Variants in ROBO2 observed in about 807,000 individuals in gnomAD.
ROBO2 encodes roundabout homolog 2.
Under a neutral mutation model 160.8 loss-of-function variants are expected in ROBO2, and 53 were observed. The ratio of observed to expected loss-of-function variants is 0.33; its 90% CI spans 0.26 to 0.41. ROBO2 has a LOEUF of 0.41. Ranked by LOEUF, ROBO2 falls within the 10% of genes least tolerant of loss-of-function variation. ROBO2 has a pLI of 1.00. For synonymous variants in ROBO2, 664 were observed against 611.7 expected (o/e 1.09, Z -1.26); for missense variants, 1,577 against 1,722.4 (o/e 0.92, Z 1.49).
intron 2 of ROBO2, among the ~76,000 whole-genome samples, chr3:76,744,196 A>G (rs2093847162): frequency 6.6e-6 from 1 of 152,140 alleles, no homozygotes; most frequent in African/African-American, 2.4e-5. Flanking sequence ...GGCTTAAACA[A>G]TAGGATTTTG....
At chr3:77,488,586 A>T (rs1027533583) in intron 4 of ROBO2, among the ~76,000 whole-genome samples, 1 of 152,204 alleles carries the variant, frequency 6.6e-6, no homozygotes, top group Non-Finnish European at 1.5e-5. Context: ...GCATTAATAG[A>T]TATTGAGTGT....
At chr3:76,004,361 C>G (rs2065965320) in intron 2 of ROBO2, among the ~76,000 whole-genome samples, 1 of 152,082 alleles carries the variant, frequency 6.6e-6, no homozygotes, top group Non-Finnish European at 1.5e-5. Flanking sequence ...GTGGGGTAGA[C>G]AGGGGCTAGG....
chr3:77,602,852 G>T (rs528681193), intron 20 of ROBO2: 11 of 466,674 alleles, frequency 2.4e-5, no homozygotes, highest in South Asian at 1.7e-4. Flanking sequence ...CTGCTTCTGA[G>T]TTGCTAACTG....
At chr3:76,057,070 A>G (rs1480199131) in intron 2 of ROBO2, among the ~76,000 whole-genome samples, 2 of 152,246 alleles carry the variant, frequency 1.3e-5, no homozygotes, top group East Asian at 1.9e-4. Flanking sequence ...ACAAAATGAG[A>G]TCTTAAAATA....
intron 2 of ROBO2, among the ~76,000 whole-genome samples, chr3:76,666,635 A>T (rs1461969981): frequency 6.6e-6 from 1 of 152,094 alleles, no homozygotes; most frequent in Non-Finnish European, 1.5e-5. Flanking sequence ...GAAAAAAAAT[A>T]CAGTCAAACT....
At chr3:77,574,939 C>T (rs1461523774) in intron 14 of ROBO2, among the ~76,000 whole-genome samples, 1 of 151,774 alleles carries the variant, frequency 6.6e-6, no homozygotes, top group Non-Finnish European at 1.5e-5. Context: ...TCTTAAGTAA[C>T]CATTTGCACC....
intron 2 of ROBO2, among the ~76,000 whole-genome samples, chr3:76,755,870 A>T (rs2060942767): frequency 6.6e-6 from 1 of 151,722 alleles, no homozygotes; most frequent in African/African-American, 2.4e-5. Flanking sequence ...GTAATAGAAA[A>T]ACTCCCTAAT....
chr3:77,188,239 T>G (rs566278727), intron 2 of ROBO2, among the ~76,000 whole-genome samples: 1 of 143,332 alleles, frequency 7.0e-6, no homozygotes, highest in Non-Finnish European at 1.5e-5. Flanking sequence ...AAAAGCCAAC[T>G]AAATGGACTT....
intron 2 of ROBO2, among the ~76,000 whole-genome samples, chr3:76,912,733 G>A (rs575450016): frequency 3.3e-5 from 5 of 152,120 alleles, no homozygotes; most frequent in South Asian, 2.1e-4. Flanking sequence ...TAAAATTTCC[G>A]TTTCACTAAA....
intron 2 of ROBO2, among the ~76,000 whole-genome samples, chr3:77,433,486 G>GTATATATATATATATATATAGATATATA (rs2078986957): frequency 1.0e-5 from 1 of 99,402 alleles, no homozygotes; most frequent in African/African-American, 3.5e-5. Context: ...CTGGCAACTT[G>GTATATATATATATATATATAGATATATA]TATATATATA....
At position 77,063,531 on chromosome 3, in the gene ROBO2, C is replaced by T. The variant is rs2066529858; in HGVS notation, c.61+22685C>T. On this transcript the variant is annotated intron_variant, in intron 1 of 25. Transcript: ENST00000461745. ...CAGATCTCCTGACCTCTTCAATTCC[C>T]ATAATCATGTAACTCTTTCTTCCTT... Among the ~76,000 whole-genome samples, 5 of 152,272 alleles carry T rather than the reference C, an allele frequency of 3.3e-5. No homozygotes were observed. The South Asian group carries it at 1.0e-3, about 32-fold the overall frequency.
chr3:76,301,092 G>A (rs1199307605), intron 2 of ROBO2, among the ~76,000 whole-genome samples: 1 of 152,038 alleles, frequency 6.6e-6, no homozygotes, highest in Admixed American at 6.6e-5. Context: ...AATAAATATT[G>A]TTGTATCAGA....
chr3:76,048,719 G>A (rs964467692), intron 2 of ROBO2, among the ~76,000 whole-genome samples: 1 of 152,130 alleles, frequency 6.6e-6, no homozygotes, highest in African/African-American at 2.4e-5. Context: ...AGGAAGCTTA[G>A]ACACATGTGC....
intron 2 of ROBO2, among the ~76,000 whole-genome samples, chr3:77,213,208 G>T (rs1042782596): frequency 1.3e-5 from 2 of 152,064 alleles, no homozygotes; most frequent in Non-Finnish European, 2.9e-5. Context: ...TCTGGTTCTG[G>T]ACTTTTTTTT....
At position 77,574,524 on chromosome 3, in the gene ROBO2, A is replaced by G. The variant is rs762760690; in HGVS notation, c.1997A>G (p.Gln666Arg). Residue 666 changes from glutamine to arginine, a missense_variant, in exon 14 of 26, where the codon CAA becomes CGA. Coordinates refer to ENST00000461745, the Ensembl canonical transcript of ROBO2. ...GTTGATCGCCAACCCCAGTTTATCC[A>G]AGGCTACCGAGTGATGTATCGTCAG... 24 of 1,613,290 alleles carry G rather than the reference A, an allele frequency of 1.5e-5. No individual in the cohort carries two copies. In the South Asian group the frequency reaches 2.6e-4, roughly 18 times the overall value.
At chr3:77,219,233 G>A (rs1167390956) in intron 2 of ROBO2, among the ~76,000 whole-genome samples, 2 of 151,704 alleles carry the variant, frequency 1.3e-5, no homozygotes, top group African/African-American at 2.4e-5. Flanking sequence ...GCCTCCCACA[G>A]TGCTGAGATT....
At chr3:76,184,510 A>G (rs916694256) in intron 2 of ROBO2, among the ~76,000 whole-genome samples, 1 of 151,854 alleles carries the variant, frequency 6.6e-6, no homozygotes, top group Non-Finnish European at 1.5e-5. Context: ...AGAATATTGT[A>G]TTAGGGTACT....
chr3:77,313,775 G>T (rs182802720), intron 2 of ROBO2, among the ~76,000 whole-genome samples: 46 of 152,122 alleles, frequency 3.0e-4, no homozygotes, highest in Admixed American at 2.5e-3. Flanking sequence ...GTAGAGATGG[G>T]GTTTCTCCAC....
chr3:77,416,263 G>GTCCAT (rs1445282244), intron 2 of ROBO2, among the ~76,000 whole-genome samples: 1 of 152,172 alleles, frequency 6.6e-6, no homozygotes, highest in Non-Finnish European at 1.5e-5. Flanking sequence ...TTGGTCCATG[G>GTCCAT]TGGGCCTGGA....
Sources: gnomAD v4.1 joint callset for allele counts (sites outside exome capture counted in the v4.1 genomes callset) on GRCh38, gnomAD v4.1.1 for gene constraint, MANE v1.5 for transcripts, NCBI Gene and HGNC (gene_info 2026-07-23, HGNC 2026-07-21) for gene names.